BCAS3: variants seen among roughly 807,000 people sequenced by gnomAD.
The protein encoded by BCAS3 is BCAS4/BCAS3 fusion.
A neutral mutation model predicts 116.1 loss-of-function variants in BCAS3; 53 were observed. The observed-to-expected ratio is 0.46, with a 90% CI of 0.37 to 0.57. BCAS3 has a LOEUF of 0.57. Ranked by LOEUF, BCAS3 falls within the 20% of genes least tolerant of loss-of-function variation. The pLI, the probability that BCAS3 is intolerant of heterozygous loss-of-function variation, is 0.00. For missense variants in BCAS3, 917 were observed against 1,165.4 expected (o/e 0.79, Z 3.10); for synonymous variants, 391 against 408.2 (o/e 0.96, Z 0.51).
intron 22 of BCAS3, among the ~76,000 whole-genome samples, chr17:61,175,116 T>C (rs1248089278): frequency 6.6e-6 from 1 of 152,144 alleles, no homozygotes; most frequent in African/African-American, 2.4e-5. Context: ...GTCAAAGTCC[T>C]GGGGTTAGGT....
intron 5 of BCAS3, among the ~76,000 whole-genome samples, chr17:60,716,488 A>G (rs2038624518): frequency 6.6e-6 from 1 of 152,124 alleles, no homozygotes; most frequent in Admixed American, 6.6e-5. Context: ...AGAGCATTGT[A>G]GCTGGGCATG....
intron 6 of BCAS3, among the ~76,000 whole-genome samples, chr17:60,782,561 GTTATTA>G (rs59139545): frequency 0.16 from 22,649 of 142,324 alleles, 2,153 homozygotes; most frequent in African/African-American, 0.27. Context: ...GTCTTTATAA[GTTATTA>G]TTATTATTAT....
rs34079272 is a variant in BCAS3 at position 61,141,902 on chromosome 17, G to GAAAA, written c.2425+57353_2425+57356dup. ...GTGACAGAGCGAGACCCCACCTCAA[G>GAAAA]AAAAAAAAAAAAAAAAAAGTTAGAC... On this transcript the variant is annotated intron_variant, in intron 22 of 23. Transcript: ENST00000407086. The surrounding 1 kb of genome is among the most constrained non-coding windows in gnomAD (Gnocchi z 4.3). Among the ~76,000 whole-genome samples, 2 of 28,584 alleles carry GAAAA rather than the reference G, an allele frequency of 7.0e-5. No individual in the cohort carries two copies. Among genetic ancestry groups the GAAAA allele is most frequent in the African/African-American group, 9.2e-5 (2 of 21,842 alleles). 18.8% of individuals were successfully genotyped at this position (28,584 alleles called of 152,430 possible).
At chr17:61,331,569 G>A (rs556834854) in intron 22 of BCAS3, among the ~76,000 whole-genome samples, 89 of 152,288 alleles carry the variant, frequency 5.8e-4, no homozygotes, top group Non-Finnish European at 2.8e-4. Context: ...GAAGTGGGAG[G>A]ATCACTTGAG....
Position 61,087,241 on chromosome 17 carries a change from C to A in BCAS3, c.2425+2677C>A, listed in dbSNP as rs2073162455. On this transcript the variant is annotated intron_variant, in intron 22 of 23. Transcript: ENST00000407086. This position sits in a 1 kb window ranked among gnomAD's most constrained non-coding sequence, Gnocchi z 4.6. The stretch of plus-strand genomic sequence containing the variant: ...CATTGCCTGTTACTTGGAGATACGA[C>A]CAGTGTGGCACCTCCTCTGTTGGTC... 1.0e-6 allele frequency: 1 copy of A among 984,500 alleles called. No individual in the cohort carries two copies. The highest frequency in any genetic ancestry group is 6.2e-5 in the Admixed American group (1 of 16,254). The allele number at this position is 984,500 out of a possible 1,614,324, so 61.0% of individuals were successfully genotyped here.
chr17:61,165,423 C>A (rs538317255), intron 22 of BCAS3, among the ~76,000 whole-genome samples: 1 of 152,112 alleles, frequency 6.6e-6, no homozygotes, highest in Non-Finnish European at 1.5e-5. Flanking sequence ...TTAGGCTGGG[C>A]GCAGTGGCTC....
At chr17:60,810,133 GTCC>G in intron 7 of BCAS3, 1 of 376,760 alleles carries the variant, frequency 2.7e-6, no homozygotes, top group Non-Finnish European at 5.2e-6. Flanking sequence ...AAAAGCCTGA[GTCC>G]TGTCCTCTCA....
At chr17:60,966,512 C>G (rs1016343220) in intron 14 of BCAS3, among the ~76,000 whole-genome samples, 1 of 151,914 alleles carries the variant, frequency 6.6e-6, no homozygotes, top group Non-Finnish European at 1.5e-5. Flanking sequence ...GTTGTGGTTA[C>G]CAGGAGGCTT....
chr17:60,930,877 A>T (rs1379425467), intron 13 of BCAS3, among the ~76,000 whole-genome samples: 3 of 152,238 alleles, frequency 2.0e-5, no homozygotes, highest in African/African-American at 7.2e-5. Flanking sequence ...CGTTAAAAAT[A>T]CTATAAAATG....
chr17:60,955,088 C>T (rs1424632200), intron 14 of BCAS3, among the ~76,000 whole-genome samples: 1 of 152,106 alleles, frequency 6.6e-6, no homozygotes, highest in Non-Finnish European at 1.5e-5. Flanking sequence ...TTTGTCTCCA[C>T]TAATACTGGG....
rs1013315875 is a variant in BCAS3, at chr17:61,087,936, A to G, written c.2425+3372A>G. Among the ~76,000 whole-genome samples, 15 of 152,134 alleles carry G rather than the reference A, an allele frequency of 9.9e-5. No homozygotes were observed. Among genetic ancestry groups the G allele is most frequent in the African/African-American group, 3.6e-4 (15 of 41,426 alleles). On this transcript the variant is annotated intron_variant, in intron 22 of 23. Coordinates refer to ENST00000407086, the MANE Select transcript of BCAS3 (RefSeq NM_017679.5). The surrounding 1 kb of genome is among the most constrained non-coding windows in gnomAD (Gnocchi z 4.6). ...AGTGGATCACAACTATAATCCTAGC[A>G]CTTTGGGAGGCCGAAGCGGTGGATC...
In BCAS3 at chr17:60,851,696, G is replaced by C. The variant is rs2144808397; in HGVS notation, c.477-16880G>C. The C allele has an allele frequency of 2.4e-5, 20 of 827,788 alleles. 1 individual carries two copies. In the South Asian group the frequency reaches 2.4e-4, roughly 10 times the overall value. The allele number at this position is 827,788 out of a possible 1,614,324, so 51.3% of individuals were successfully genotyped here. A position where few individuals can be genotyped will look rare whatever the true frequency, so the allele number is the denominator to read the frequency against. On this transcript the variant is annotated intron_variant, in intron 7 of 23. Transcript: ENST00000407086. ...GAAAAGGGGGAAATGAAAACTGAGGGGAGTCCAGCCTCTGATGAAGCAGGA... is the reference window on the plus strand; with the variant it reads ...GAAAAGGGGGAAATGAAAACTGAGGCGAGTCCAGCCTCTGATGAAGCAGGA...
chr17:60,695,713 C>T (rs559444965), intron 4 of BCAS3, among the ~76,000 whole-genome samples: 2 of 152,150 alleles, frequency 1.3e-5, no homozygotes, highest in Non-Finnish European at 2.9e-5. Context: ...ATCCTCCTGC[C>T]TTAGCCTCCC....
In BCAS3 at chr17:61,151,330, C is replaced by T. The variant is rs968898500; in HGVS notation, c.2425+66766C>T. Among the ~76,000 whole-genome samples, 14 of 151,968 alleles carry T rather than the reference C, an allele frequency of 9.2e-5. No individual in the cohort carries two copies. The highest frequency in any genetic ancestry group is 3.4e-4 in the African/African-American group (14 of 41,376). On this transcript the variant is annotated intron_variant, in intron 22 of 23. Transcript: ENST00000407086. This position sits in a 1 kb window ranked among gnomAD's most constrained non-coding sequence, Gnocchi z 4.8. ...TCAAAATTCAAAGCACTCCTGGTCCCAAGCATTTCGGATAGGGGATAATCA... is the reference window on the plus strand; with the variant it reads ...TCAAAATTCAAAGCACTCCTGGTCCTAAGCATTTCGGATAGGGGATAATCA...
At chr17:60,793,702 C>G (rs1175986043) in intron 6 of BCAS3, among the ~76,000 whole-genome samples, 2 of 152,154 alleles carry the variant, frequency 1.3e-5, no homozygotes, top group Non-Finnish European at 1.5e-5. Flanking sequence ...AGTCTCCAAT[C>G]TCATCCAGGT....
chr17:61,249,439 TCCAAAGGCTTA>T lies in BCAS3; in HGVS notation c.2426-118887_2426-118877del, dbSNP rs2144539311. Among the ~76,000 whole-genome samples, 1 of 152,254 alleles carries T rather than the reference TCCAAAGGCTTA, an allele frequency of 6.6e-6. No homozygotes were observed. Among genetic ancestry groups the T allele is most frequent in the East Asian group, 1.9e-4 (1 of 5,184 alleles). On this transcript the variant is annotated intron_variant, in intron 22 of 23. Transcript: ENST00000407086. This position sits in a 1 kb window ranked among gnomAD's most constrained non-coding sequence, Gnocchi z 6.2. ...GGATGAGAAAAGTTAATTTTAATCCTCCAAAGGCTTATTTGCTAGCACAAAAGGTCATGAAA... is the reference window on the plus strand; with the variant it reads ...GGATGAGAAAAGTTAATTTTAATCCTTTTGCTAGCACAAAAGGTCATGAAA...
At chr17:61,169,989 G>C (rs1346312208) in intron 22 of BCAS3, among the ~76,000 whole-genome samples, 2 of 151,788 alleles carry the variant, frequency 1.3e-5, no homozygotes, top group Admixed American at 6.6e-5. Context: ...CGAGTAGCTG[G>C]GATTACAGAT....
intron 22 of BCAS3, among the ~76,000 whole-genome samples, chr17:61,191,830 G>A (rs2080148743): frequency 6.6e-6 from 1 of 150,984 alleles, no homozygotes; most frequent in African/African-American, 2.5e-5. Context: ...AATATCAGCA[G>A]TAAAATAATA....
At chr17:61,283,179 T>C (rs1207703902) in intron 22 of BCAS3, among the ~76,000 whole-genome samples, 4 of 152,134 alleles carry the variant, frequency 2.6e-5, no homozygotes, top group Non-Finnish European at 5.9e-5. Flanking sequence ...TTTACCGTTT[T>C]ATTTATGTTT....
Sources: gnomAD v4.1 joint callset for allele counts (sites outside exome capture counted in the v4.1 genomes callset) on GRCh38, gnomAD v4.1.1 for gene constraint, Gnocchi (gnomAD v3.1) non-coding constraint, MANE v1.5 for transcripts, NCBI Gene and HGNC (gene_info 2026-07-23, HGNC 2026-07-21) for gene names.